The following NT5C3A variants were observed in gnomAD, a reference collection of about 807,000 sequenced individuals.
NT5C3A encodes the protein cytosolic 5'-nucleotidase 3A.
NT5C3A carries 23 observed loss-of-function variants against 40.0 expected under a neutral mutation model. That is an observed-to-expected ratio of 0.58 (90% confidence interval 0.41 to 0.81). The LOEUF (loss-of-function observed/expected upper bound fraction) is 0.81, where lower values mean the gene tolerates loss of function less well. NT5C3A is among the 40% of genes least tolerant of loss of function. The pLI, the probability that NT5C3A is intolerant of heterozygous loss-of-function variation, is 0.00. For synonymous variants in NT5C3A, 130 were observed against 141.4 expected (o/e 0.92, Z 0.57); for missense variants, 328 against 403.0 (o/e 0.81, Z 1.59).
chr7:33,045,547 CCT>C (rs1232547528), intron 1 of NT5C3A, among the ~76,000 whole-genome samples: 1 of 151,980 alleles, frequency 6.6e-6, no homozygotes, highest in East Asian at 1.9e-4. Context: ...GCAATCTCCG[CCT>C]CCTGAGTTCA....
At chr7:33,046,645 A>C (rs910389656) in intron 1 of NT5C3A, among the ~76,000 whole-genome samples, 6 of 152,202 alleles carry the variant, frequency 3.9e-5, no homozygotes, top group African/African-American at 1.4e-4. Flanking sequence ...AAAGCATTAA[A>C]TTCTGTTTTA....
Position 33,035,795 on chromosome 7 carries a change from T to C in NT5C3A, c.139-8880A>G, listed in dbSNP as rs72555732. 414 of 747,278 alleles carry C rather than the reference T, an allele frequency of 5.5e-4. 3 individuals are homozygous for C. In the African/African-American group the frequency reaches 6.5e-3, roughly 12 times the overall value. The allele number at this position is 747,278 out of a possible 1,614,324, so 46.3% of individuals were successfully genotyped here. A position where few individuals can be genotyped will look rare whatever the true frequency, so the allele number is the denominator to read the frequency against. On this transcript the variant is annotated intron_variant, in intron 1 of 8. Transcript: ENST00000610140. ...AATTTGAAATTCAATTCAATAAGTA[T>C]TTGAGGTTTATTTTGTGATGCACTG...
intron 3 of NT5C3A, among the ~76,000 whole-genome samples, chr7:33,023,043 G>C (rs1173438432): frequency 6.6e-6 from 1 of 151,532 alleles, no homozygotes; most frequent in East Asian, 1.9e-4. Context: ...TCCCAAATGA[G>C]TAGCTGGGAC....
intron 1 of NT5C3A, among the ~76,000 whole-genome samples, chr7:33,051,974 A>C (rs1787387705): frequency 6.6e-6 from 1 of 152,212 alleles, no homozygotes; most frequent in South Asian, 2.1e-4. Flanking sequence ...AAAAAGTTAA[A>C]GGATGAAAAA....
chr7:33,027,878 T>C (rs1786033228), intron 1 of NT5C3A, among the ~76,000 whole-genome samples: 1 of 152,190 alleles, frequency 6.6e-6, no homozygotes, highest in African/African-American at 2.4e-5. Flanking sequence ...TCATCCTCAT[T>C]ATATACTTTT....
intron 8 of NT5C3A, 21 bp from the exon 9 acceptor site, chr7:33,014,852 A>C (rs777882470): frequency 6.3e-7 from 1 of 1,597,944 alleles, no homozygotes; most frequent in East Asian, 2.2e-5. Context: ...GATGAACAAA[A>C]GAAAATTAAC....
In NT5C3A at chr7:33,014,184, T is replaced by C. The variant is rs1785199814; in HGVS notation, c.*546A>G. On this transcript the variant is annotated 3_prime_UTR_variant, in exon 9 of 9. Transcript: ENST00000610140. ...ATCAGTGCTTCAATATAGAATGTTT[T>C]GTAATGATTAGCAACATTGTAAACA... The C allele has an allele frequency of 2.2e-6, 1 of 453,920 alleles. No homozygotes were observed. The highest frequency in any genetic ancestry group is 4.4e-6 in the Non-Finnish European group (1 of 226,608). The allele number at this position is 453,920 out of a possible 1,614,324, so 28.1% of individuals were successfully genotyped here.
At chr7:33,021,408 G>C (rs1354603315) in intron 4 of NT5C3A, 51 bp from the exon 5 acceptor site, 9 of 1,590,776 alleles carry the variant, frequency 5.7e-6, no homozygotes, top group African/African-American at 1.3e-5. Flanking sequence ...AAATAAATCT[G>C]CTTGGTTTTA....
chr7:33,062,555 C>T lies in NT5C3A; in HGVS notation c.138+13G>A. 6.2e-7 allele frequency: 1 copy of T among 1,608,026 alleles called. No homozygotes were observed. Among genetic ancestry groups the T allele is most frequent in the Non-Finnish European group, 8.5e-7 (1 of 1,177,458 alleles). ...CCTCGCGTGCTCTGGGCGCGCCGAG[C>T]CTCCACACTCACCATCTCGATGATC... On this transcript the variant is annotated intron_variant, in intron 1 of 8. Coordinates refer to ENST00000610140, the MANE Select transcript of NT5C3A (RefSeq NM_001002010.5).
intron 1 of NT5C3A, among the ~76,000 whole-genome samples, chr7:33,027,900 T>C (rs1271594158): frequency 6.6e-6 from 1 of 151,826 alleles, no homozygotes; most frequent in Non-Finnish European, 1.5e-5. Flanking sequence ...CATCTGGCTT[T>C]TATGAATTAA....
chr7:33,039,566 T>TTTTTTTTG lies in NT5C3A; in HGVS notation c.139-12652_139-12651insCAAAAAAA, dbSNP rs769074367. On this transcript the variant is annotated intron_variant, in intron 1 of 8. Transcript: ENST00000610140. ...TTTCTTAAGCTTGGGTTTTTTGTTT[T>TTTTTTTTG]TTTTTTTTTTTAATGTTACTGTCTT... Among the ~76,000 whole-genome samples, 67 of 144,690 alleles carry TTTTTTTTG rather than the reference T, an allele frequency of 4.6e-4. 1 individual carries two copies. The highest frequency in any genetic ancestry group is 1.6e-3 in the African/African-American group (64 of 39,138). 94.9% of individuals were successfully genotyped at this position (144,690 alleles called of 152,430 possible).
chr7:33,036,349 G>A (rs942268479), intron 1 of NT5C3A: 11 of 298,628 alleles, frequency 3.7e-5, no homozygotes, highest in African/African-American at 1.1e-4. Context: ...CCCAGCTTCC[G>A]TGGGTGGCTC....
At chr7:33,038,120 A>G (rs1219735773) in intron 1 of NT5C3A, among the ~76,000 whole-genome samples, 1 of 152,154 alleles carries the variant, frequency 6.6e-6, no homozygotes, top group Non-Finnish European at 1.5e-5. Flanking sequence ...GATTTCTCAA[A>G]GAGCACTATT....
chr7:33,057,425 G>A (rs1787614267), intron 1 of NT5C3A, among the ~76,000 whole-genome samples: 1 of 152,142 alleles, frequency 6.6e-6, no homozygotes, highest in Non-Finnish European at 1.5e-5. Context: ...CTGAAGGCGA[G>A]ATGGGAGGAT....
intron 1 of NT5C3A, among the ~76,000 whole-genome samples, chr7:33,035,627 C>CA (rs1270774766): frequency 1.3e-5 from 2 of 152,112 alleles, no homozygotes; most frequent in Non-Finnish European, 2.9e-5. Flanking sequence ...TGGAAACCTA[C>CA]AATAATGTAT....
chr7:33,057,423 G>A (rs865850963), intron 1 of NT5C3A, among the ~76,000 whole-genome samples: 3 of 152,126 alleles, frequency 2.0e-5, no homozygotes, highest in East Asian at 3.9e-4. Context: ...CTCTGAAGGC[G>A]AGATGGGAGG....
intron 1 of NT5C3A, among the ~76,000 whole-genome samples, chr7:33,057,463 A>G (rs1401006318): frequency 6.6e-6 from 1 of 152,174 alleles, no homozygotes; most frequent in Admixed American, 6.5e-5. Flanking sequence ...TGGAGGTTGC[A>G]GTGAGCTGAG....
intron 7 of NT5C3A, 31 bp from the exon 8 acceptor site, chr7:33,015,901 T>G: frequency 7.0e-7 from 1 of 1,434,270 alleles, no homozygotes; most frequent in Non-Finnish European, 9.8e-7. Flanking sequence ...TTGAACAGGC[T>G]TTAAAAATTC....
chr7:33,059,807 A>T (rs964918858), intron 1 of NT5C3A, among the ~76,000 whole-genome samples: 1 of 152,168 alleles, frequency 6.6e-6, no homozygotes, highest in African/African-American at 2.4e-5. Context: ...CTGATCCCTT[A>T]TTTCCATACC....
Sources: allele counts gnomAD v4.1 joint callset (sites outside exome capture counted in the v4.1 genomes callset), GRCh38; gene constraint gnomAD v4.1.1; transcripts MANE v1.5; gene names NCBI Gene and HGNC (gene_info 2026-07-23, HGNC 2026-07-21).